PHGDH: variants seen among roughly 807,000 people sequenced by gnomAD.
The protein encoded by PHGDH is D-3-phosphoglycerate dehydrogenase.
Under a neutral mutation model 52.6 loss-of-function variants are expected in PHGDH, and 50 were observed. That is an observed-to-expected ratio of 0.95 (90% CI 0.76 to 1.20). The LOEUF (loss-of-function observed/expected upper bound fraction) is 1.20. Ranked by LOEUF, PHGDH falls within the 50% of genes most tolerant of loss-of-function variation. The probability of loss-of-function intolerance (pLI) is 0.00; values close to 1 mark genes in which losing one functional copy is unlikely to be tolerated. For missense variants in PHGDH, 630 were observed against 684.6 expected, an observed-to-expected ratio of 0.92 and a Z score of 0.89; for synonymous variants, 271 against 280.5, an observed-to-expected ratio of 0.97 and a Z score of 0.34.
At chr1:119,737,063 G>C (rs1373339162) in intron 7 of PHGDH, 51 bp from the exon 8 acceptor site, 2 of 1,598,714 alleles carry the variant, frequency 1.3e-6, no homozygotes, top group South Asian at 2.2e-5. Flanking sequence ...TGGCCCAAGA[G>C]GGTGTGGCCA....
At chr1:119,735,646 G>A (rs1367959109) in intron 7 of PHGDH, among the ~76,000 whole-genome samples, 61 of 152,230 alleles carry the variant, frequency 4.0e-4, no homozygotes, top group Admixed American at 4.0e-3. Flanking sequence ...AGGCAGCTAT[G>A]TGGTTTTCTG....
chr1:119,714,993 A>G (rs587756912), intron 1 of PHGDH, among the ~76,000 whole-genome samples: 1 of 152,350 alleles, frequency 6.6e-6, no homozygotes, highest in East Asian at 1.9e-4. Context: ...GCTTAAAATA[A>G]TAAAGCATCT....
Position 119,735,431 on chromosome 1 carries a change from C to A in PHGDH, c.780C>A (p.Asp260Glu). 6.2e-7 allele frequency: 1 copy of A among 1,613,128 alleles called. No homozygotes were observed. The highest frequency in any genetic ancestry group is 8.5e-7 in the Non-Finnish European group (1 of 1,180,000). Residue 260 changes from aspartate to glutamate, a missense_variant, in exon 7 of 12, where the codon GAC becomes GAA. Asp to Glu is a conservative substitution (Grantham distance 45). Coordinates refer to ENST00000641023, the MANE Select transcript of PHGDH (RefSeq NM_006623.4). ...QSGQCAGAAL[D>E]VFTEEPPRDR... is the part of the protein sequence containing the mutation. ...GCCAGTGTGCCGGGGCTGCACTGGA[C>A]GTGTTTACGGAAGTAAGTGCCTGGC...
intron 1 of PHGDH, among the ~76,000 whole-genome samples, chr1:119,712,787 G>A (rs1650757260): frequency 6.6e-6 from 1 of 152,172 alleles, no homozygotes; most frequent in South Asian, 2.1e-4. Flanking sequence ...ACACGTACCC[G>A]CCCCTCGTCT....
At chr1:119,743,127 T>A (rs1384582660) in intron 11 of PHGDH, 83 bp downstream of exon 11, 1 of 881,114 alleles carries the variant, frequency 1.1e-6, no homozygotes, top group Admixed American at 1.7e-5. Flanking sequence ...CCCACCTTCC[T>A]TTAGCCCCTC....
chr1:119,735,566 A>T (rs1651894689), intron 7 of PHGDH, 123 bp downstream of exon 7: 4 of 1,058,524 alleles, frequency 3.8e-6, no homozygotes, highest in African/African-American at 1.6e-5. Flanking sequence ...CATCCATGGT[A>T]AAAGGAGAAA....
chr1:119,726,179 A>AGTGTGTGTGT (rs55671458), intron 3 of PHGDH, among the ~76,000 whole-genome samples: 48 of 131,266 alleles, frequency 3.7e-4, no homozygotes, highest in East Asian at 1.6e-3. Flanking sequence ...GGCTGTGAAG[A>AGTGTGTGTGT]GTGTGTGTGT....
chr1:119,721,625 A>G, intron 2 of PHGDH: 1 of 316,732 alleles, frequency 3.2e-6, no homozygotes, highest in Non-Finnish European at 5.9e-6. Flanking sequence ...AGTTGCTTGC[A>G]CCTCTGTGAC....
At chr1:119,721,397 A>T (rs1651160897) in intron 2 of PHGDH, 76 bp downstream of exon 2, 1 of 1,464,540 alleles carries the variant, frequency 6.8e-7, no homozygotes, top group Non-Finnish European at 9.4e-7. Context: ...GGGAGAAAAA[A>T]CTCACTTGAG....
At position 119,711,950 on chromosome 1, in the gene PHGDH, G is replaced by T. The variant is rs1469592561; in HGVS notation, c.-73G>T. 6.5e-7 allele frequency: 1 copy of T among 1,535,314 alleles called. No individual in the cohort carries two copies. Among genetic ancestry groups the T allele is most frequent in the Non-Finnish European group, 9.0e-7 (1 of 1,110,536 alleles). ...GAATACTGCCCAGTTACTCTAGCGC[G>T]CCAGGCCGAACCGCAGCTTCTTGGC... On this transcript the variant is annotated 5_prime_UTR_variant, in exon 1 of 12. Coordinates refer to ENST00000641023, the MANE Select transcript of PHGDH (RefSeq NM_006623.4).
chr1:119,738,911 A>C lies in PHGDH; in HGVS notation c.946-1475A>C, dbSNP rs587596918. Among the ~76,000 whole-genome samples the C allele has an allele frequency of 5.3e-5, 8 of 152,328 alleles. No homozygotes were observed. In the South Asian group the frequency reaches 1.4e-3, roughly 28 times the overall value. ...ATGGACCACACAGTGTCCCCATCTT[A>C]GGAGGTGAAACCTCTTGGTCAAAAT... On this transcript the variant is annotated intron_variant, in intron 8 of 11. Transcript: ENST00000641023.
chr1:119,732,375 A>T (rs1049966481), intron 5 of PHGDH, among the ~76,000 whole-genome samples: 2 of 152,068 alleles, frequency 1.3e-5, no homozygotes, highest in African/African-American at 4.8e-5. Flanking sequence ...GAACCCCTTC[A>T]TGTTTCTCCC....
intron 2 of PHGDH, 28 bp downstream of exon 2, chr1:119,721,349 G>T (rs765865495): frequency 3.1e-6 from 5 of 1,608,702 alleles, no homozygotes; most frequent in African/African-American, 2.7e-5. Context: ...CGGGCGGTTT[G>T]GGGGTAGGGG....
At chr1:119,721,769 C>T (rs972551016) in intron 2 of PHGDH, 2 of 159,872 alleles carry the variant, frequency 1.3e-5, no homozygotes, top group African/African-American at 4.8e-5. Context: ...AGAGGCACAA[C>T]CTTTGCTAGC....
At chr1:119,728,466 C>T (rs763751578) in intron 5 of PHGDH, among the ~76,000 whole-genome samples, 1 of 152,150 alleles carries the variant, frequency 6.6e-6, no homozygotes, top group Admixed American at 6.5e-5. Flanking sequence ...ATTGTAGAGC[C>T]TATGGTGGCT....
chr1:119,724,666 T>A, intron 3 of PHGDH: 2 of 383,206 alleles, frequency 5.2e-6, no homozygotes, highest in Non-Finnish European at 5.0e-6. Context: ...GGGATTTTTT[T>A]TTTTTTTTTT....
chr1:119,734,449 A>C, intron 5 of PHGDH, 185 bp from the exon 6 acceptor site: 1 of 666,180 alleles, frequency 1.5e-6, no homozygotes. Flanking sequence ...TACTTAGTAT[A>C]TGGTAAATAG....
At position 119,744,149 on chromosome 1, in the gene PHGDH, C is replaced by CA; in HGVS notation, c.*110dup. 1.1e-6 allele frequency: 1 copy of CA among 911,096 alleles called. No individual in the cohort carries two copies. Among genetic ancestry groups the CA allele is most frequent in the Non-Finnish European group, 1.8e-6 (1 of 548,996 alleles). The allele number at this position is 911,096 out of a possible 1,614,324, so 56.4% of individuals were successfully genotyped here. ...TCTTGGGCTGAACGCGGGCCTCTGA[C>CA]ACTGCTTACACTGCACTCTGACCCT... On this transcript the variant is annotated 3_prime_UTR_variant, in exon 12 of 12. Transcript: ENST00000641023.
chr1:119,742,240 C>T (rs1652242031), intron 10 of PHGDH: 3 of 396,040 alleles, frequency 7.6e-6, no homozygotes, highest in Non-Finnish European at 1.4e-5. Context: ...CAGGGCTCCT[C>T]ATGCCGTAGC....
Sources: allele counts gnomAD v4.1 joint callset (sites outside exome capture counted in the v4.1 genomes callset), GRCh38; gene constraint gnomAD v4.1.1; transcripts MANE v1.5; gene names NCBI Gene and HGNC (gene_info 2026-07-23, HGNC 2026-07-21).